Variants in CACNB2 observed in about 807,000 individuals in gnomAD.
The protein encoded by CACNB2 is voltage-dependent L-type calcium channel subunit beta-2.
A neutral mutation model predicts 73.3 loss-of-function variants in CACNB2; 42 were observed. The ratio of observed to expected loss-of-function variants is 0.57; its 90% CI spans 0.45 to 0.74. The LOEUF is 0.74. Ranked by LOEUF, CACNB2 falls within the 30% of genes least tolerant of loss-of-function variation. CACNB2 has a pLI of 0.00. For missense variants in CACNB2, 940 were observed against 853.0 expected (o/e 1.10, Z -1.27); for synonymous variants, 348 against 310.3 (o/e 1.12, Z -1.28).
chr10:18,467,099 A>G (rs911191898), intron 3 of CACNB2, among the ~76,000 whole-genome samples: 33 of 152,206 alleles, frequency 2.2e-4, no homozygotes, highest in African/African-American at 8.0e-4. Context: ...AGTTGCAGTG[A>G]GCCAAGATCA....
rs869311555 is a variant in CACNB2 at position 18,307,983 on chromosome 10, C to CTTTTTTTTTTTT, written c.214-93925_214-93914dup. Among the ~76,000 whole-genome samples the CTTTTTTTTTTTT allele has an allele frequency of 4.6e-3, 321 of 70,236 alleles. 72 individuals are homozygous for CTTTTTTTTTTTT. The highest frequency in any genetic ancestry group is 0.013 in the African/African-American group (222 of 16,762). The allele number at this position is 70,236 out of a possible 152,430, so 46.1% of individuals were successfully genotyped here. A position where few individuals can be genotyped will look rare whatever the true frequency, so the allele number is the denominator to read the frequency against. On this transcript the variant is annotated intron_variant, in intron 2 of 13. Coordinates refer to ENST00000324631, the MANE Select transcript of CACNB2 (RefSeq NM_201596.3). ...TTAAGTCTAAAATAATATATGCCAA[C>CTTTTTTTTTTTT]TTTTTTTTTTTTTTTTTTTTTTTTT...
In CACNB2 at chr10:18,539,326, C is replaced by A; in HGVS notation, c.1585C>A (p.Gln529Lys). The change falls in exon 14 of 14, where the codon CAG becomes AAG. Residue 529 changes from glutamine to lysine, a missense_variant. Physicochemically the swap from Gln to Lys is moderately conservative, Grantham distance 53. Transcript: ENST00000324631. ...EPSVEPVKKS[Q>K]HRSSSSAPHH... is the part of the protein sequence containing the mutation. ...TAGTGTGGAACCAGTCAAGAAATCC[C>A]AGCACCGCTCTTCCTCCTCAGCCCC... 4.3e-6 allele frequency: 7 copies of A among 1,614,040 alleles called. No individual in the cohort carries two copies. Among genetic ancestry groups the A allele is most frequent in the Non-Finnish European group, 5.9e-6 (7 of 1,179,990 alleles).
chr10:18,449,032 G>A (rs2046879678), intron 3 of CACNB2, among the ~76,000 whole-genome samples: 12 of 152,168 alleles, frequency 7.9e-5, no homozygotes, highest in Admixed American at 7.9e-4. Context: ...GATAGGTCAT[G>A]TCCTATGGTC....
At chr10:18,498,202 T>C (rs2049952793) in intron 3 of CACNB2, among the ~76,000 whole-genome samples, 153 bp from the exon 4 acceptor site, 1 of 152,224 alleles carries the variant, frequency 6.6e-6, no homozygotes, top group Admixed American at 6.5e-5. Context: ...GTGTTTTGAA[T>C]ACGAACAAGC....
intron 9 of CACNB2, among the ~76,000 whole-genome samples, 155 bp from the exon 10 acceptor site, chr10:18,527,433 G>GA (rs1033154333): frequency 6.6e-6 from 1 of 151,738 alleles, no homozygotes; most frequent in African/African-American, 2.4e-5. Context: ...TAAGTAAAAA[G>GA]AAAAAAAATG....
chr10:18,162,015 A>G (rs994688203), intron 2 of CACNB2, among the ~76,000 whole-genome samples: 2 of 152,164 alleles, frequency 1.3e-5, no homozygotes, highest in Admixed American at 1.3e-4. Context: ...AGACACATGC[A>G]TTTGTACATA....
chr10:18,449,180 C>G (rs1466176500), intron 3 of CACNB2, among the ~76,000 whole-genome samples: 1 of 152,056 alleles, frequency 6.6e-6, no homozygotes, highest in Non-Finnish European at 1.5e-5. Context: ...GTGAGGAGAT[C>G]AAGACCGTCC....
At chr10:18,354,656 G>A (rs1223942933) in intron 2 of CACNB2, among the ~76,000 whole-genome samples, 1 of 152,058 alleles carries the variant, frequency 6.6e-6, no homozygotes, top group Non-Finnish European at 1.5e-5. Context: ...AGGGATGGGG[G>A]AACTATCTTT....
Position 18,540,658 on chromosome 10 carries a change from A to G in CACNB2, c.*934A>G, listed in dbSNP as rs1276150919. On this transcript the variant is annotated 3_prime_UTR_variant, in exon 14 of 14. Transcript: ENST00000324631. Reference sequence around the variant, plus strand: ...ACACTGATTGTGACACATTCTTAGTAGCTAGTGTCTGTTCTAGTCACTGCA... The same window carrying G: ...ACACTGATTGTGACACATTCTTAGTGGCTAGTGTCTGTTCTAGTCACTGCA... 6.6e-6 allele frequency: 1 copy of G among 152,596 alleles called. No homozygotes were observed. The highest frequency in any genetic ancestry group is 1.5e-5 in the Non-Finnish European group (1 of 68,044). 9.5% of individuals were successfully genotyped at this position (152,596 alleles called of 1,614,324 possible).
intron 2 of CACNB2, among the ~76,000 whole-genome samples, chr10:18,179,835 T>C (rs2033786089): frequency 6.6e-6 from 1 of 152,188 alleles, no homozygotes; most frequent in African/African-American, 2.4e-5. Flanking sequence ...TCTCCAGTAG[T>C]CTAAGTTGTG....
At chr10:18,455,266 T>A (rs957002624) in intron 3 of CACNB2, among the ~76,000 whole-genome samples, 5 of 151,756 alleles carry the variant, frequency 3.3e-5, no homozygotes, top group East Asian at 1.9e-4. Flanking sequence ...ACTCCAAGAG[T>A]GCTTGGTGAT....
chr10:18,168,484 C>T (rs1184260251), intron 2 of CACNB2, among the ~76,000 whole-genome samples: 2 of 144,744 alleles, frequency 1.4e-5, no homozygotes, highest in African/African-American at 5.2e-5. Context: ...AGATTTACAT[C>T]TTTCTTCCTT....
chr10:18,459,746 C>T (rs1018948196), intron 3 of CACNB2, among the ~76,000 whole-genome samples: 2 of 152,200 alleles, frequency 1.3e-5, no homozygotes, highest in Non-Finnish European at 2.9e-5. Context: ...GTGGCTCACG[C>T]CTGTAATCCC....
intron 2 of CACNB2, among the ~76,000 whole-genome samples, chr10:18,226,846 C>T (rs1042188136): frequency 6.6e-6 from 1 of 152,110 alleles, no homozygotes; most frequent in African/African-American, 2.4e-5. Flanking sequence ...TTTTAACTCC[C>T]AGTTTTGCCA....
chr10:18,291,194 T>A (rs541635503), intron 2 of CACNB2, among the ~76,000 whole-genome samples: 18 of 152,342 alleles, frequency 1.2e-4, no homozygotes, highest in African/African-American at 4.3e-4. Context: ...AGCCCTGAAT[T>A]ATCTTTATCC....
intron 2 of CACNB2, among the ~76,000 whole-genome samples, chr10:18,258,356 A>G (rs1014394022): frequency 3.9e-5 from 6 of 152,196 alleles, no homozygotes; most frequent in African/African-American, 1.4e-4. Flanking sequence ...ATCTTATTCT[A>G]ACTTTAAGCT....
chr10:18,364,594 C>G (rs952474147), intron 2 of CACNB2, among the ~76,000 whole-genome samples: 31 of 152,288 alleles, frequency 2.0e-4, no homozygotes, highest in Middle Eastern at 3.4e-3. Context: ...GCCACTTCGC[C>G]CAGCCAAGGC....
At chr10:18,246,393 C>A (rs1381980545) in intron 2 of CACNB2, among the ~76,000 whole-genome samples, 1 of 151,958 alleles carries the variant, frequency 6.6e-6, no homozygotes, top group Non-Finnish European at 1.5e-5. Context: ...GCTCCTAGTT[C>A]TCTCTTTCTT....
intron 2 of CACNB2, chr10:18,341,012 G>T (rs146042014): frequency 1.9e-5 from 30 of 1,607,140 alleles, no homozygotes; most frequent in South Asian, 5.5e-5. Context: ...CCAGATGCAC[G>T]GTGCGGTTTA....
Sources: gnomAD v4.1 joint callset for allele counts (sites outside exome capture counted in the v4.1 genomes callset) on GRCh38, gnomAD v4.1.1 for gene constraint, MANE v1.5 for transcripts, NCBI Gene and HGNC (gene_info 2026-07-23, HGNC 2026-07-21) for gene names.